Variants in SOX5 observed in about 807,000 individuals in gnomAD.
SOX5 encodes the protein SRY-box transcription factor 5.
A neutral mutation model predicts 92.0 loss-of-function variants in SOX5; 9 were observed. The observed-to-expected ratio is 0.10, with a 90% confidence interval of 0.06 to 0.17. The LOEUF is 0.17. SOX5 is among the 10% of genes least tolerant of loss of function. The pLI is 1.00. For synonymous variants in SOX5, 344 were observed against 336.3 expected (o/e 1.02, Z -0.25); for missense variants, 642 against 944.5 (o/e 0.68, Z 4.20).
chr12:24,172,069 C>T (rs961022973), intron 4 of SOX5, among the ~76,000 whole-genome samples: 1 of 143,742 alleles, frequency 7.0e-6, no homozygotes, highest in African/African-American at 2.5e-5. Flanking sequence ...GGCTGGAGAA[C>T]TGTGTGTGCG....
intron 4 of SOX5, among the ~76,000 whole-genome samples, chr12:24,208,833 G>C (rs1353104647): frequency 6.6e-6 from 1 of 152,182 alleles, no homozygotes; most frequent in African/African-American, 2.4e-5. Context: ...AATGGGGTGA[G>C]GGTTGGAAAG....
intron 4 of SOX5, among the ~76,000 whole-genome samples, chr12:23,960,613 A>C (rs894260866): frequency 4.0e-5 from 6 of 148,846 alleles, no homozygotes; most frequent in African/African-American, 1.5e-4. Flanking sequence ...GGATACAACA[A>C]CACGATGGAA....
intron 6 of SOX5, among the ~76,000 whole-genome samples, chr12:23,733,523 T>C (rs553220461): frequency 6.6e-6 from 1 of 152,244 alleles, no homozygotes; most frequent in South Asian, 2.1e-4. Context: ...AACATCTCAC[T>C]GAACTTCCAC....
chr12:24,030,178 T>C (rs12321563), intron 4 of SOX5, among the ~76,000 whole-genome samples: 7,678 of 151,944 alleles, frequency 0.051, 261 homozygotes, highest in Middle Eastern at 0.088. Flanking sequence ...AAAACACAAA[T>C]AATACTATTT....
intron 4 of SOX5, among the ~76,000 whole-genome samples, chr12:24,148,602 C>T (rs182580638): frequency 4.2e-4 from 61 of 143,860 alleles, no homozygotes; most frequent in Non-Finnish European, 6.7e-4. Context: ...TTAATCCCAG[C>T]GACTCAGGAG....
intron 4 of SOX5, among the ~76,000 whole-genome samples, chr12:24,147,569 C>A (rs1217041717): frequency 6.6e-6 from 1 of 152,028 alleles, no homozygotes; most frequent in Non-Finnish European, 1.5e-5. Flanking sequence ...TATGGGAGTG[C>A]AATAAAGCAA....
intron 7 of SOX5, among the ~76,000 whole-genome samples, chr12:23,664,989 C>A (rs940494044): frequency 6.6e-6 from 1 of 151,966 alleles, no homozygotes; most frequent in Non-Finnish European, 1.5e-5. Flanking sequence ...TGATGCGAGT[C>A]CAGAGTCAAG....
intron 4 of SOX5, among the ~76,000 whole-genome samples, chr12:24,051,483 A>G (rs953080427): frequency 2.0e-5 from 3 of 152,232 alleles, no homozygotes; most frequent in African/African-American, 7.2e-5. Flanking sequence ...AGTAAAAATT[A>G]AAGAATAATA....
chr12:23,535,541 A>G (rs1451279459), intron 14 of SOX5, among the ~76,000 whole-genome samples: 6 of 152,224 alleles, frequency 3.9e-5, no homozygotes, highest in Admixed American at 3.3e-4. Context: ...AAGGATGAAT[A>G]GATGATGTGC....
At chr12:23,691,637 T>G (rs865808638) in intron 6 of SOX5, among the ~76,000 whole-genome samples, 2 of 152,198 alleles carry the variant, frequency 1.3e-5, no homozygotes, top group Non-Finnish European at 2.9e-5. Context: ...TTTGTCTACT[T>G]ATTTTTTTAA....
At chr12:23,809,361 G>A (rs1422388171) in intron 3 of SOX5, among the ~76,000 whole-genome samples, 1 of 151,738 alleles carries the variant, frequency 6.6e-6, no homozygotes, top group African/African-American at 2.4e-5. Context: ...CAAGAAATAA[G>A]CCCCATTTTA....
chr12:23,575,642 CA>C lies in SOX5; in HGVS notation c.1342+18del, dbSNP rs1419185597. 6.2e-7 allele frequency: 1 copy of C among 1,612,628 alleles called. No homozygotes were observed. The highest frequency in any genetic ancestry group is 1.3e-5 in the African/African-American group (1 of 74,882). On this transcript the variant is annotated intron_variant, in intron 10 of 14. Coordinates refer to ENST00000451604, the MANE Select transcript of SOX5 (RefSeq NM_006940.6). ...GCCATAAACAGAAAATCAGCAAGAA[CA>C]AAAGAAACAGAACTTACCTATTGTG...
intron 1 of SOX5, among the ~76,000 whole-genome samples, chr12:24,440,378 C>A (rs1428372504): frequency 6.6e-6 from 1 of 152,140 alleles, no homozygotes; most frequent in Non-Finnish European, 1.5e-5. Flanking sequence ...GACTCCCTTC[C>A]ACAGGATCCG....
intron 4 of SOX5, among the ~76,000 whole-genome samples, chr12:24,209,649 A>C (rs1340916564): frequency 6.6e-6 from 1 of 152,184 alleles, no homozygotes. Context: ...TGCTAGTAGA[A>C]GGCACTCCCC....
chr12:23,630,686 A>C (rs1187094987), intron 8 of SOX5, among the ~76,000 whole-genome samples: 1 of 151,962 alleles, frequency 6.6e-6, no homozygotes, highest in African/African-American at 2.4e-5. Context: ...AATCCTCAAC[A>C]ATAAGAGGTC....
At chr12:24,513,677 C>G (rs903575231) in intron 1 of SOX5, among the ~76,000 whole-genome samples, 2 of 152,206 alleles carry the variant, frequency 1.3e-5, no homozygotes, top group African/African-American at 2.4e-5. Context: ...AGGATTACCA[C>G]TGAGTTTGAT....
At chr12:24,510,910 G>A (rs1224456589) in intron 1 of SOX5, among the ~76,000 whole-genome samples, 1 of 152,202 alleles carries the variant, frequency 6.6e-6, no homozygotes, top group Non-Finnish European at 1.5e-5. Flanking sequence ...GGGAATGGAG[G>A]AAGAGAAGCC....
At chr12:24,176,851 T>C (rs993621212) in intron 4 of SOX5, among the ~76,000 whole-genome samples, 1 of 152,062 alleles carries the variant, frequency 6.6e-6, no homozygotes, top group African/African-American at 2.4e-5. Flanking sequence ...ATCTGCAGCT[T>C]CAGGTTATAG....
In SOX5 at chr12:23,604,439, G is replaced by A; in HGVS notation, c.1112C>T (p.Pro371Leu). Residue 371 changes from proline to leucine, a missense_variant, in exon 9 of 15, where the codon CCT becomes CTT. Transcript: ENST00000451604. ...GCTCTTGTCTGTGTGAATGCTGGTAGGAGATACAGCAGCACCAAGGTTGCC... is the reference window on the plus strand; with the variant it reads ...GCTCTTGTCTGTGTGAATGCTGGTAAGAGATACAGCAGCACCAAGGTTGCC... ...PQGNLGAAVS[P>L]TSIHTDKSTN... 6.2e-7 allele frequency: 1 copy of A among 1,613,798 alleles called. No individual in the cohort carries two copies. The highest frequency in any genetic ancestry group is 8.5e-7 in the Non-Finnish European group (1 of 1,179,780).
Sources: gnomAD v4.1 joint callset for allele counts (sites outside exome capture counted in the v4.1 genomes callset) on GRCh38, gnomAD v4.1.1 for gene constraint, MANE v1.5 for transcripts, NCBI Gene and HGNC (gene_info 2026-07-23, HGNC 2026-07-21) for gene names.